ATPAF1: variants seen among roughly 807,000 people sequenced by gnomAD.
ATPAF1 encodes the protein ATP synthase mitochondrial F1 complex assembly factor 1.
ATPAF1 carries 26 observed loss-of-function variants against 43.9 expected under a neutral mutation model. The observed-to-expected ratio is 0.59, with a 90% confidence interval of 0.43 to 0.82. The LOEUF (loss-of-function observed/expected upper bound fraction) is 0.82, where lower values mean the gene tolerates loss of function less well. Among genes scored for constraint, ATPAF1 ranks in the 40% least tolerant of loss-of-function variants. ATPAF1 has a pLI of 0.00. For synonymous variants in ATPAF1, 157 were observed against 168.0 expected (o/e 0.93, Z 0.50); for missense variants, 366 against 435.0 (o/e 0.84, Z 1.41).
At chr1:46,645,237 C>A (rs143688530) in exon 7 of ATPAF1, 9 of 1,613,316 alleles carry the variant, frequency 5.6e-6, no homozygotes, top group Non-Finnish European at 7.6e-6. Flanking sequence ...ACCTTCCCTT[C>A]TTGGCAGAGC....
chr1:46,658,802 G>C (rs889443763), intron 2 of ATPAF1, 65 bp from the exon 3 acceptor site: 2 of 1,158,784 alleles, frequency 1.7e-6, no homozygotes, highest in Non-Finnish European at 2.4e-6. Context: ...AACTAAGCTA[G>C]GTGAAGTACC....
chr1:46,642,170 G>C (rs181421703), intron 8 of ATPAF1, among the ~76,000 whole-genome samples: 193 of 152,342 alleles, frequency 1.3e-3, no homozygotes, highest in African/African-American at 4.3e-3. Context: ...AATGTGGAAG[G>C]AAGAATGGGA....
chr1:46,638,400 T>A (rs1258063), intron 8 of ATPAF1, among the ~76,000 whole-genome samples: 1 of 151,980 alleles, frequency 6.6e-6, no homozygotes, highest in Non-Finnish European at 1.5e-5. Flanking sequence ...GGGCGGATCA[T>A]GAGGTCAGGA....
chr1:46,643,716 C>T (rs1675989137), intron 7 of ATPAF1, among the ~76,000 whole-genome samples: 1 of 152,180 alleles, frequency 6.6e-6, no homozygotes, highest in African/African-American at 2.4e-5. Context: ...GAAGACTGAG[C>T]TCTTTTAAGC....
At chr1:46,655,545 T>G (rs1476475097) in intron 4 of ATPAF1, among the ~76,000 whole-genome samples, 8 of 152,230 alleles carry the variant, frequency 5.3e-5, no homozygotes, top group Non-Finnish European at 1.2e-4. Context: ...TGTTACTTTA[T>G]TTCTTTCTAG....
chr1:46,637,749 A>C (rs1194179893), intron 8 of ATPAF1, among the ~76,000 whole-genome samples: 1 of 152,152 alleles, frequency 6.6e-6, no homozygotes, highest in African/African-American at 2.4e-5. Context: ...ACCTTTTCCC[A>C]AAAAGCTGGC....
At chr1:46,658,777 C>G in intron 2 of ATPAF1, 40 bp from the exon 3 acceptor site, 1 of 1,458,318 alleles carries the variant, frequency 6.9e-7, no homozygotes, top group Non-Finnish European at 9.2e-7. Context: ...ACACTTTACT[C>G]ATAAGAAAAA....
intron 6 of ATPAF1, among the ~76,000 whole-genome samples, chr1:46,649,712 C>T (rs1470276839): frequency 6.6e-6 from 1 of 152,034 alleles, no homozygotes; most frequent in Non-Finnish European, 1.5e-5. Context: ...TTGCTTGAAC[C>T]AAGGAATTTG....
chr1:46,663,014 T>A (rs149498314), intron 2 of ATPAF1, among the ~76,000 whole-genome samples: 1,709 of 151,956 alleles, frequency 0.011, 18 homozygotes, highest in South Asian at 0.015. Flanking sequence ...TTCCCACCCA[T>A]GAGTGAGAAC....
intron 2 of ATPAF1, among the ~76,000 whole-genome samples, chr1:46,660,932 A>G (rs1326234444): frequency 6.7e-6 from 1 of 149,936 alleles, no homozygotes; most frequent in Admixed American, 6.6e-5. Flanking sequence ...TTCAATATTT[A>G]TAATTACTTG....
Position 46,668,163 on chromosome 1 carries a change from C to T in ATPAF1, c.160G>A (p.Gly54Ser). 1 of 1,404,058 alleles carries T rather than the reference C, an allele frequency of 7.1e-7. No individual in the cohort carries two copies. The highest frequency in any genetic ancestry group is 9.3e-7 in the Non-Finnish European group (1 of 1,079,702). The allele number at this position is 1,404,058 out of a possible 1,614,324, so 87.0% of individuals were successfully genotyped here. A position where few individuals can be genotyped will look rare whatever the true frequency, so the allele number is the denominator to read the frequency against. ...CTGTCGGCGCCCCCCTCGGGCCGGC[C>T]CGAGCCGGGGCGCACTGGGAAGACG... Residue 54 changes from glycine to serine, a missense_variant, in exon 1 of 9, where the codon GGC becomes AGC. This residue lies in a region of ATPAF1 where 186 missense variants were observed against 168.5 expected (regional missense o/e 1.10). Coordinates refer to ENST00000574428, the Ensembl canonical transcript of ATPAF1. The surrounding 1 kb of genome is among the most constrained non-coding windows in gnomAD (Gnocchi z 4.4).
At chr1:46,640,060 C>T (rs1569593493) in intron 8 of ATPAF1, among the ~76,000 whole-genome samples, 1 of 152,248 alleles carries the variant, frequency 6.6e-6, no homozygotes, top group African/African-American at 2.4e-5. Context: ...ATCTTTTCAG[C>T]TCACTTCCAA....
intron 6 of ATPAF1, among the ~76,000 whole-genome samples, chr1:46,649,077 G>T (rs1676113681): frequency 6.7e-6 from 1 of 149,360 alleles, no homozygotes; most frequent in South Asian, 2.1e-4. Context: ...CAGGAGAATA[G>T]CTTAAACCCA....
chr1:46,649,768 T>A (rs758082451), intron 6 of ATPAF1, among the ~76,000 whole-genome samples: 77 of 151,702 alleles, frequency 5.1e-4, no homozygotes, highest in Non-Finnish European at 9.9e-4. Flanking sequence ...CTACTAAACA[T>A]ACAAAAAATT....
intron 4 of ATPAF1, among the ~76,000 whole-genome samples, chr1:46,656,515 A>G (rs1208399922): frequency 2.6e-5 from 4 of 152,184 alleles, no homozygotes; most frequent in Admixed American, 6.5e-5. Flanking sequence ...ATGTCAAAAC[A>G]TTGTCTTCTC....
chr1:46,654,524 TTTATTTA>T (rs1314263977), intron 4 of ATPAF1, among the ~76,000 whole-genome samples: 22 of 94,042 alleles, frequency 2.3e-4, no homozygotes, highest in African/African-American at 1.0e-3. Flanking sequence ...AATTTATTTA[TTTATTTA>T]TTATTATTAT....
At chr1:46,635,822 C>A in exon 9 of ATPAF1, 1 of 1,614,218 alleles carries the variant, frequency 6.2e-7, no homozygotes, top group South Asian at 1.1e-5. Flanking sequence ...TGCTCCAAGT[C>A]CGCTTTGCTC....
chr1:46,653,912 T>C lies in ATPAF1; in HGVS notation c.490-45A>G. On this transcript the variant is annotated intron_variant, in intron 4 of 8. Coordinates refer to ENST00000574428, the Ensembl canonical transcript of ATPAF1. The surrounding 1 kb of genome is among the most constrained non-coding windows in gnomAD (Gnocchi z 4.8). ...GTGTCTGTGACATGTGGGTAATCTT[T>C]TCAACATGTGCCAAGAAATGGTGAC... 1 of 1,568,322 alleles carries C rather than the reference T, an allele frequency of 6.4e-7. No homozygotes were observed.
Position 46,653,812 on chromosome 1 carries a change from C to G in ATPAF1, c.540+5G>C, listed in dbSNP as rs767194914. 1 of 1,607,968 alleles carries G rather than the reference C, an allele frequency of 6.2e-7. No homozygotes were observed. Among genetic ancestry groups the G allele is most frequent in the South Asian group, 1.1e-5 (1 of 89,498 alleles). ...CACTTTCACTTTGCCCTCCAAACTACTTACAGGAATAACTGCGTAGACTGT... is the reference window on the plus strand; with the variant it reads ...CACTTTCACTTTGCCCTCCAAACTAGTTACAGGAATAACTGCGTAGACTGT... On this transcript the variant is annotated splice_donor_5th_base_variant and intron_variant, in intron 5 of 8. Transcript: ENST00000574428. The surrounding 1 kb of genome is among the most constrained non-coding windows in gnomAD (Gnocchi z 4.8).
Sources: allele counts gnomAD v4.1 joint callset (sites outside exome capture counted in the v4.1 genomes callset), GRCh38; gene constraint gnomAD v4.1.1; regional missense constraint gnomAD v4.1.1; non-coding constraint Gnocchi (gnomAD v3.1); transcripts MANE v1.5; gene names NCBI Gene and HGNC (gene_info 2026-07-23, HGNC 2026-07-21).